The following RETREG1 variants were observed in gnomAD, a reference collection of about 807,000 sequenced individuals.
RETREG1 encodes family with sequence similarity 134 member B.
RETREG1 carries 44 observed loss-of-function variants against 54.8 expected under a neutral mutation model. The observed-to-expected ratio is 0.80, with a 90% CI of 0.63 to 1.03. The LOEUF is 1.03. Among genes scored for constraint, RETREG1 ranks in the 50% least tolerant of loss-of-function variants. The pLI, the probability that RETREG1 is intolerant of heterozygous loss-of-function variation, is 0.00. For synonymous variants in RETREG1, 217 were observed against 238.5 expected, an observed-to-expected ratio of 0.91 and a Z score of 0.83; for missense variants, 554 against 605.1, an observed-to-expected ratio of 0.92 and a Z score of 0.89.
intron 3 of RETREG1, among the ~76,000 whole-genome samples, chr5:16,548,597 A>G (rs990608781): frequency 6.6e-6 from 1 of 152,230 alleles, no homozygotes; most frequent in African/African-American, 2.4e-5. Flanking sequence ...TAAAAAGAAA[A>G]GTACAACAAA....
chr5:16,589,376 T>C (rs1221382890), intron 1 of RETREG1, among the ~76,000 whole-genome samples: 1 of 152,034 alleles, frequency 6.6e-6, no homozygotes, highest in Non-Finnish European at 1.5e-5. Context: ...TCTTTTTTGT[T>C]TGTTTATTTG....
chr5:16,507,625 A>G (rs560266738), intron 3 of RETREG1, among the ~76,000 whole-genome samples: 9 of 152,252 alleles, frequency 5.9e-5, no homozygotes, highest in Non-Finnish European at 1.0e-4. Flanking sequence ...AATGGAAACT[A>G]GAAAACTAGA....
At chr5:16,578,516 G>A (rs527483440) in intron 1 of RETREG1, among the ~76,000 whole-genome samples, 13 of 152,148 alleles carry the variant, frequency 8.5e-5, no homozygotes, top group Non-Finnish European at 1.3e-4. Flanking sequence ...TCTGCTGGGC[G>A]TGGGCGATCC....
chr5:16,615,639 T>G (rs1743483826), intron 1 of RETREG1, among the ~76,000 whole-genome samples: 1 of 152,116 alleles, frequency 6.6e-6, no homozygotes, highest in African/African-American at 2.4e-5. Flanking sequence ...TTCAGGGACC[T>G]CCGACAAGAT....
intron 3 of RETREG1, among the ~76,000 whole-genome samples, chr5:16,515,860 A>G (rs1303189215): frequency 2.0e-5 from 3 of 152,166 alleles, no homozygotes; most frequent in African/African-American, 7.2e-5. Flanking sequence ...GAAAAACTCT[A>G]AAAACCATGG....
chr5:16,595,664 G>T (rs137952179), intron 1 of RETREG1, among the ~76,000 whole-genome samples: 10 of 152,272 alleles, frequency 6.6e-5, no homozygotes, highest in African/African-American at 2.4e-4. Flanking sequence ...AAGTAGATGT[G>T]ATCAAATACA....
At chr5:16,493,935 T>C (rs1739347833) in intron 3 of RETREG1, among the ~76,000 whole-genome samples, 1 of 152,208 alleles carries the variant, frequency 6.6e-6, no homozygotes, top group Non-Finnish European at 1.5e-5. Context: ...AATCAGCCTT[T>C]GTAATAAAAA....
chr5:16,506,256 A>G (rs987816309), intron 3 of RETREG1, among the ~76,000 whole-genome samples: 8 of 152,206 alleles, frequency 5.3e-5, no homozygotes, highest in African/African-American at 1.7e-4. Flanking sequence ...TAGGACACCA[A>G]GTGCCAAAAT....
At chr5:16,496,504 T>C (rs78717252) in intron 3 of RETREG1, among the ~76,000 whole-genome samples, 10 of 152,302 alleles carry the variant, frequency 6.6e-5, no homozygotes, top group Non-Finnish European at 1.3e-4. Context: ...GCAACTTCCA[T>C]TCACCTCCCA....
chr5:16,488,641 T>C (rs1739111730), intron 3 of RETREG1, among the ~76,000 whole-genome samples: 1 of 152,118 alleles, frequency 6.6e-6, no homozygotes, highest in South Asian at 2.1e-4. Context: ...GAACAGTGTC[T>C]TTGGCCAAGA....
chr5:16,536,165 A>T (rs1442592848), intron 3 of RETREG1, among the ~76,000 whole-genome samples: 1 of 152,214 alleles, frequency 6.6e-6, no homozygotes, highest in Middle Eastern at 3.2e-3. Flanking sequence ...TCCCACCCCA[A>T]GAAGGAAGAG....
At chr5:16,541,722 G>A in intron 3 of RETREG1, among the ~76,000 whole-genome samples, 1 of 119,876 alleles carries the variant, frequency 8.3e-6, no homozygotes. Context: ...GAAAAGAGAA[G>A]AGAAGAGAGG....
chr5:16,611,186 T>C (rs1434821639), intron 1 of RETREG1, among the ~76,000 whole-genome samples: 1 of 152,140 alleles, frequency 6.6e-6, no homozygotes, highest in African/African-American at 2.4e-5. Context: ...TTCTCACTTA[T>C]AGGTGGAAAC....
chr5:16,558,512 C>T, intron 3 of RETREG1, among the ~76,000 whole-genome samples: 1 of 152,190 alleles, frequency 6.6e-6, no homozygotes, highest in East Asian at 1.9e-4. Flanking sequence ...TCCTTCACAG[C>T]AAGATTTTCT....
intron 1 of RETREG1, among the ~76,000 whole-genome samples, chr5:16,589,533 C>CTT: frequency 6.6e-6 from 1 of 152,206 alleles, no homozygotes; most frequent in Non-Finnish European, 1.5e-5. Flanking sequence ...ACCCAGTTAA[C>CTT]TTTTATATTT....
chr5:16,557,780 A>T (rs531538670), intron 3 of RETREG1, among the ~76,000 whole-genome samples: 1 of 152,310 alleles, frequency 6.6e-6, no homozygotes, highest in South Asian at 2.1e-4. Context: ...AGGCTTACTT[A>T]TAACGCGTAT....
chr5:16,486,860 A>G (rs541014382), intron 3 of RETREG1, among the ~76,000 whole-genome samples: 1 of 152,074 alleles, frequency 6.6e-6, no homozygotes, highest in East Asian at 1.9e-4. Context: ...TACTCAGCAG[A>G]AACCAAGATC....
intron 3 of RETREG1, among the ~76,000 whole-genome samples, chr5:16,543,675 CAAA>C (rs758476063): frequency 1.4e-5 from 1 of 70,364 alleles, no homozygotes. Flanking sequence ...GACAACATCT[CAAA>C]AAAAAAAAAA....
chr5:16,491,840 T>C (rs1024144485), intron 3 of RETREG1, among the ~76,000 whole-genome samples: 3 of 151,814 alleles, frequency 2.0e-5, no homozygotes, highest in African/African-American at 7.3e-5. Flanking sequence ...CTAGACAACA[T>C]GGCAAGACCC....
Sources: allele counts gnomAD v4.1 joint callset (sites outside exome capture counted in the v4.1 genomes callset), GRCh38; gene constraint gnomAD v4.1.1; transcripts MANE v1.5; gene names NCBI Gene and HGNC (gene_info 2026-07-23, HGNC 2026-07-21).